The following SAGE1 variants were observed in gnomAD, a reference collection of about 807,000 sequenced individuals.
SAGE1 encodes cancer/testis antigen 14.
SAGE1 carries 55 observed loss-of-function variants against 55.4 expected under a neutral mutation model. The observed-to-expected ratio is 0.99, with a 90% CI of 0.80 to 1.24. The LOEUF is 1.24. Ranked by LOEUF, SAGE1 falls within the 50% of genes most tolerant of loss-of-function variation. The pLI is 0.00. For synonymous variants in SAGE1, 240 were observed against 244.3 expected, an observed-to-expected ratio of 0.98 and a Z score of 0.17; for missense variants, 710 against 704.4, an observed-to-expected ratio of 1.01 and a Z score of -0.09.
chrX:135,909,650 A>G lies in SAGE1; in HGVS notation c.1594A>G (p.Thr532Ala). 1 of 1,202,106 alleles carries G rather than the reference A, an allele frequency of 8.3e-7. No homozygotes were observed. The highest frequency in any genetic ancestry group is 3.0e-5 in the East Asian group (1 of 33,770). ...TATTTGGTTTCCAGATGCTACCGTC[A>G]CTCAAAATGTCCATGAAGAGAGGAT... Reference protein sequence around the residue: ...MSTKDLYATVTQNVHEERMEN... With the variant: ...MSTKDLYATVAQNVHEERMEN... The change falls in exon 14 of 20, where the codon ACT (threonine) becomes GCT (alanine). Residue 532 changes from threonine to alanine, a missense_variant. Transcript: ENST00000370709.
In SAGE1 at chrX:135,912,061, T is replaced by C. The variant is rs1400092677; in HGVS notation, c.2521+108T>C. 6 of 1,127,560 alleles carry C rather than the reference T, an allele frequency of 5.3e-6. No homozygotes were observed. In the Admixed American group the frequency reaches 1.8e-4, roughly 34 times the overall value. 92.9% of individuals were successfully genotyped at this position (1,127,560 alleles called of 1,213,427 possible). ...GAGCTCATTGTTTGGCTGAATTGGA[T>C]CTATATATAATTTAGCATGGCTTTA... On this transcript the variant is annotated intron_variant, in intron 18 of 19. Transcript: ENST00000370709.
At chrX:135,907,642 C>T (rs1457367626) in intron 9 of SAGE1, 59 bp from the exon 10 acceptor site, 1 of 1,150,381 alleles carries the variant, frequency 8.7e-7, no homozygotes, top group Non-Finnish European at 1.2e-6. Context: ...GAGGGATATA[C>T]CTGTAGGGCT....
At position 135,908,576 on chromosome X, in the gene SAGE1, T is replaced by C. The variant is rs2088839560; in HGVS notation, c.1400T>C (p.Met467Thr). ...AATGTTCTATCCGGGCTTATTAATA[T>C]GGCAGGAGCTAGTATTCCAGCAATG... ...LSNVLSGLIN[M>T]AGASIPAMSS... Residue 467 changes from methionine to threonine, a missense_variant, in exon 12 of 20, where the codon ATG becomes ACG. Coordinates refer to ENST00000370709, the MANE Select transcript of SAGE1 (RefSeq NM_001381902.1). 1 of 1,205,343 alleles carries C rather than the reference T, an allele frequency of 8.3e-7. No homozygotes were observed. Among genetic ancestry groups the C allele is most frequent in the East Asian group, 3.0e-5 (1 of 33,822 alleles).
At chrX:135,898,006 C>T (rs1556594638) in intron 2 of SAGE1, among the ~76,000 whole-genome samples, 1 of 112,261 alleles carries the variant, frequency 8.9e-6, no homozygotes, top group African/African-American at 3.2e-5. Context: ...GACATGATCT[C>T]ATTCCTTTTT....
intron 16 of SAGE1, among the ~76,000 whole-genome samples, chrX:135,910,815 T>C (rs1297959281): frequency 9.0e-6 from 1 of 110,584 alleles, no homozygotes; most frequent in African/African-American, 3.3e-5. Flanking sequence ...ATGCAACCGT[T>C]ACTCACCATG....
At position 135,911,184 on chromosome X, in the gene SAGE1, G is replaced by C; in HGVS notation, c.2006-8G>C. The C allele has an allele frequency of 8.3e-7, 1 of 1,209,450 alleles. No homozygotes were observed. On this transcript the variant is annotated splice_polypyrimidine_tract_variant and splice_region_variant and intron_variant, in intron 16 of 19. Transcript: ENST00000370709. ...CTTCACAGCTCAGCCTCTTCATTTT[G>C]TTTCCAGATGTCACCGCCACTCACA...
At position 135,909,636 on chromosome X, in the gene SAGE1, C is replaced by T. The variant is rs368285874; in HGVS notation, c.1583-3C>T. Reference sequence around the variant, plus strand: ...CAAGTCAACCTCTTTATTTGGTTTCCAGATGCTACCGTCACTCAAAATGTC... The same window carrying T: ...CAAGTCAACCTCTTTATTTGGTTTCTAGATGCTACCGTCACTCAAAATGTC... On this transcript the variant is annotated splice_region_variant and splice_polypyrimidine_tract_variant and intron_variant, in intron 13 of 19. Transcript: ENST00000370709. 12 of 1,194,770 alleles carry T rather than the reference C, an allele frequency of 1.0e-5. No individual in the cohort carries two copies. The African/African-American group carries it at 1.9e-4, about 19-fold the overall frequency.
chrX:135,906,868 C>T, intron 7 of SAGE1, 58 bp from the exon 8 acceptor site: 3 of 1,137,208 alleles, frequency 2.6e-6, no homozygotes, highest in Non-Finnish European at 3.6e-6. Flanking sequence ...AGGGATATAC[C>T]TGTGGGGTTA....
rs1281963709 is a variant in SAGE1 at position 135,896,229 on chromosome X, A to G, written c.1-14A>G. The G allele has an allele frequency of 6.1e-6, 7 of 1,138,293 alleles. No individual in the cohort carries two copies. Among genetic ancestry groups the G allele is most frequent in the Non-Finnish European group, 8.4e-6 (7 of 831,000 alleles). The allele number at this position is 1,138,293 out of a possible 1,213,427, so 93.8% of individuals were successfully genotyped here. On this transcript the variant is annotated splice_polypyrimidine_tract_variant and intron_variant, in intron 1 of 19. Coordinates refer to ENST00000370709, the MANE Select transcript of SAGE1 (RefSeq NM_001381902.1). ...CTAGTAACACACATAGTTAATTATG[A>G]GGACTATCTGCAGATGCAGGCTTCT...
Position 135,906,118 on chromosome X carries a change from T to A in SAGE1, c.549T>A (p.Ile183=). The A allele has an allele frequency of 8.3e-7, 1 of 1,208,381 alleles. No homozygotes were observed. Residue 183 remains isoleucine, a synonymous_variant, in exon 6 of 20, where the codon ATT becomes ATA. Transcript: ENST00000370709. ...TGTCAACTGGTCCCACAGGGCTTATTAATATGGCAGCAACTCCTATTCCAG... is the reference window on the plus strand; with the variant it reads ...TGTCAACTGGTCCCACAGGGCTTATAAATATGGCAGCAACTCCTATTCCAG... ...NVLSTGPTGL[I]NMAATPIPAM...
intron 9 of SAGE1, 41 bp downstream of exon 9, chrX:135,907,494 A>C (rs781906122): frequency 8.9e-7 from 1 of 1,124,601 alleles, no homozygotes; most frequent in South Asian, 2.0e-5. Context: ...GTTGGTTTAC[A>C]TATGAATGCA....
chrX:135,911,231 C>T lies in SAGE1; in HGVS notation c.2045C>T (p.Thr682Ile), dbSNP rs782124231. The change falls in exon 17 of 20, where the codon ACA (threonine) becomes ATA (isoleucine). Residue 682 changes from threonine (T) to isoleucine (I), a missense_variant. Thr to Ile is a moderately conservative substitution (Grantham distance 89). Coordinates refer to ENST00000370709, the MANE Select transcript of SAGE1 (RefSeq NM_001381902.1). The part of the protein sequence containing the change: ...ATHSVHEEKM[T>I]NGQQAPDNSL... ...CACAGTGTCCATGAGGAGAAGATGACAAATGGCCAACAGGCACCTGATAAC... is the reference window on the plus strand; with the variant it reads ...CACAGTGTCCATGAGGAGAAGATGATAAATGGCCAACAGGCACCTGATAAC... The T allele has an allele frequency of 1.4e-5, 17 of 1,208,042 alleles. No homozygotes were observed. The South Asian group carries it at 3.0e-4, about 21-fold the overall frequency.
rs149311139 is a variant in SAGE1, at chrX:135,908,120, G to A, written c.1191G>A (p.Glu397=). 306 of 1,208,348 alleles carry A rather than the reference G, an allele frequency of 2.5e-4. No homozygotes were observed. The African/African-American group carries it at 4.6e-3, about 18-fold the overall frequency. The change falls in exon 11 of 20, where the codon GAG becomes GAA. Residue 397 remains glutamate, a synonymous_variant. Coordinates refer to ENST00000370709, the MANE Select transcript of SAGE1 (RefSeq NM_001381902.1). Reference sequence around the variant, plus strand: ...CCATCATTCACAATCTGCGTGAAGAGAAGAAAGATAACAGCCAACCAACCC... The same window carrying A: ...CCATCATTCACAATCTGCGTGAAGAAAAGAAAGATAACAGCCAACCAACCC... ...HATIIHNLRE[E]KKDNSQPTPD... is the part of the protein sequence containing the mutation.
chrX:135,909,104 C>A, intron 13 of SAGE1, 100 bp downstream of exon 13: 1 of 804,628 alleles, frequency 1.2e-6, no homozygotes, highest in Non-Finnish European at 1.8e-6. Flanking sequence ...CTTTCCTAAC[C>A]TCAATTTGAG....
chrX:135,908,318 C>G (rs1318205089), intron 11 of SAGE1, 89 bp downstream of exon 11: 46 of 1,041,247 alleles, frequency 4.4e-5, no homozygotes, highest in Non-Finnish European at 5.5e-5. Flanking sequence ...ATTATATTGT[C>G]TTTCGTGAGT....
chrX:135,899,929 T>C (rs782607925), intron 2 of SAGE1, among the ~76,000 whole-genome samples: 3 of 111,154 alleles, frequency 2.7e-5, no homozygotes, highest in Non-Finnish European at 5.6e-5. Context: ...TAGGGTCATG[T>C]CATCTGCAAA....
rs1348638437 is a variant in SAGE1 at position 135,908,458 on chromosome X, C to A, written c.1301-19C>A. On this transcript the variant is annotated intron_variant, in intron 11 of 19. Coordinates refer to ENST00000370709, the MANE Select transcript of SAGE1 (RefSeq NM_001381902.1). ...TAATGCACTTAACTCACAGCTCGAC[C>A]TCTTTATTTGGTTTCTAGATGCTAC... 8.4e-7 allele frequency: 1 copy of A among 1,191,573 alleles called. No homozygotes were observed. Among genetic ancestry groups the A allele is most frequent in the East Asian group, 3.0e-5 (1 of 33,751 alleles).
In SAGE1 at chrX:135,911,258, C is replaced by A. The variant is rs782511869; in HGVS notation, c.2072C>A (p.Ser691Tyr). 1.7e-6 allele frequency: 2 copies of A among 1,208,787 alleles called. No homozygotes were observed. Among genetic ancestry groups the A allele is most frequent in the African/African-American group, 1.7e-5 (1 of 57,689 alleles). Residue 691 changes from serine (S) to tyrosine (Y), a missense_variant, in exon 17 of 20, where the codon TCC becomes TAC. Coordinates refer to ENST00000370709, the MANE Select transcript of SAGE1 (RefSeq NM_001381902.1). ...MTNGQQAPDN[S>Y]LSTVPPGCIN... ...AATGGCCAACAGGCACCTGATAACT[C>A]CTTGTCAACGGTTCCACCTGGTTGT... is the stretch of plus-strand genomic sequence containing the variant.
rs1371901527 is a variant in SAGE1 at position 135,893,767 on chromosome X, C to T, written c.-15C>T. Among the ~76,000 whole-genome samples, 1 of 112,092 alleles carries T rather than the reference C, an allele frequency of 8.9e-6. No individual in the cohort carries two copies. The highest frequency in any genetic ancestry group is 3.2e-5 in the African/African-American group (1 of 30,836). On this transcript the variant is annotated 5_prime_UTR_variant, in exon 1 of 20. Coordinates refer to ENST00000370709, the MANE Select transcript of SAGE1 (RefSeq NM_001381902.1). ...CAGAGGAACACAGAACCTTCTCACA[C>T]AGCGGGATAAAAGGGTGAATTTGGA...
Sources: gnomAD v4.1 joint callset for allele counts (sites outside exome capture counted in the v4.1 genomes callset) on GRCh38, gnomAD v4.1.1 for gene constraint, MANE v1.5 for transcripts, NCBI Gene and HGNC (gene_info 2026-07-23, HGNC 2026-07-21) for gene names.